NALF1: variants seen among roughly 807,000 people sequenced by gnomAD.
The protein encoded by NALF1 is NALCN channel auxiliary factor 1.
A neutral mutation model predicts 48.4 loss-of-function variants in NALF1; 3 were observed. That is an observed-to-expected ratio of 0.06 (90% confidence interval 0.03 to 0.16). The LOEUF is 0.16. NALF1 is among the 10% of genes least tolerant of loss of function. NALF1 has a pLI of 1.00. For synonymous variants in NALF1, 262 were observed against 245.7 expected (o/e 1.07, Z -0.62); for missense variants, 526 against 571.5 (o/e 0.92, Z 0.81).
intron 1 of NALF1, among the ~76,000 whole-genome samples, chr13:107,577,028 C>A (rs1200905114): frequency 6.6e-6 from 1 of 152,122 alleles, no homozygotes; most frequent in Non-Finnish European, 1.5e-5. Context: ...TATTCTCTGA[C>A]CTAAGTAACA....
intron 1 of NALF1, among the ~76,000 whole-genome samples, chr13:107,540,069 C>T (rs1275530436): frequency 2.6e-5 from 4 of 151,974 alleles, no homozygotes; most frequent in African/African-American, 9.7e-5. Context: ...CACACACACA[C>T]ATACACATAT....
In NALF1 at chr13:107,866,234, T is replaced by C. The variant is rs1880714488; in HGVS notation, c.363A>G (p.Arg121=). ...TGGGGGACGAGGAGGCGGAGAGGAG[T>C]CTGTGTGCCTGGGCGGCGGGCGAGG... The part of the protein sequence containing the change: ...GESSPAAQAH[R]LLSASSSPTL... The change falls in exon 1 of 3, where the codon AGA becomes AGG. Residue 121 remains arginine, a synonymous_variant. Coordinates refer to ENST00000375915, the MANE Select transcript of NALF1 (RefSeq NM_001080396.3). This position sits in a 1 kb window ranked among gnomAD's most constrained non-coding sequence, Gnocchi z 4.4. 7 of 1,592,940 alleles carry C rather than the reference T, an allele frequency of 4.4e-6. No individual in the cohort carries two copies. The highest frequency in any genetic ancestry group is 6.0e-6 in the Non-Finnish European group (7 of 1,171,408).
chr13:107,650,319 G>A (rs1387150229), intron 1 of NALF1, among the ~76,000 whole-genome samples: 2 of 147,906 alleles, frequency 1.4e-5, no homozygotes, highest in Non-Finnish European at 3.0e-5. Flanking sequence ...TAGTGGCTGC[G>A]ACTTCGAGTC....
chr13:107,426,774 C>T (rs1884287836), intron 1 of NALF1, among the ~76,000 whole-genome samples: 1 of 152,016 alleles, frequency 6.6e-6, no homozygotes, highest in South Asian at 2.1e-4. Flanking sequence ...TTTAATTAGA[C>T]TACTTCTAGA....
chr13:107,737,019 G>A (rs1876487349), intron 1 of NALF1, among the ~76,000 whole-genome samples: 1 of 152,142 alleles, frequency 6.6e-6, no homozygotes, highest in South Asian at 2.1e-4. Flanking sequence ...TTATAACTGG[G>A]TGTTTTATCT....
At chr13:107,272,366 C>T (rs1336388730) in intron 1 of NALF1, among the ~76,000 whole-genome samples, 1 of 61,690 alleles carries the variant, frequency 1.6e-5, no homozygotes, top group Admixed American at 2.1e-4. Context: ...AGGCGCCCGC[C>T]ACCACGCCCG....
intron 1 of NALF1, among the ~76,000 whole-genome samples, chr13:107,295,068 G>A (rs908057321): frequency 6.6e-6 from 1 of 152,076 alleles, no homozygotes; most frequent in African/African-American, 2.4e-5. Context: ...TGATGCTGAA[G>A]TTTGGGGTAT....
chr13:107,485,335 A>G (rs1350233649), intron 1 of NALF1, among the ~76,000 whole-genome samples: 2 of 152,076 alleles, frequency 1.3e-5, no homozygotes, highest in Non-Finnish European at 1.5e-5. Context: ...CAGCAACCTC[A>G]ATACTTGGAT....
intron 1 of NALF1, among the ~76,000 whole-genome samples, chr13:107,631,628 G>A (rs539005058): frequency 1.3e-5 from 2 of 152,128 alleles, no homozygotes; most frequent in African/African-American, 4.8e-5. Flanking sequence ...TGCACAGCAG[G>A]ACTCGCTCCT....
At chr13:107,441,060 C>G (rs189056835) in intron 1 of NALF1, among the ~76,000 whole-genome samples, 3 of 152,112 alleles carry the variant, frequency 2.0e-5, no homozygotes, top group African/African-American at 7.2e-5. Context: ...TGTTAGGATA[C>G]CCTTCAAGTA....
intron 1 of NALF1, among the ~76,000 whole-genome samples, chr13:107,492,451 G>A (rs537259221): frequency 1.8e-4 from 27 of 152,072 alleles, no homozygotes; most frequent in Non-Finnish European, 3.1e-4. Flanking sequence ...TCTTGTTGCC[G>A]CACATATTCT....
chr13:107,656,058 T>C (rs970205373), intron 1 of NALF1, among the ~76,000 whole-genome samples: 1 of 151,818 alleles, frequency 6.6e-6, no homozygotes, highest in Non-Finnish European at 1.5e-5. Flanking sequence ...ATAAAGATTC[T>C]AGAAGGTAAC....
intron 1 of NALF1, among the ~76,000 whole-genome samples, chr13:107,683,735 C>T (rs1468861268): frequency 6.6e-6 from 1 of 152,196 alleles, no homozygotes; most frequent in Non-Finnish European, 1.5e-5. Context: ...TCAGAGCTCT[C>T]CTGCTGGGCT....
chr13:107,478,656 GTT>G (rs56000405), intron 1 of NALF1, among the ~76,000 whole-genome samples: 32,267 of 151,916 alleles, frequency 0.21, 3,883 homozygotes, highest in East Asian at 0.32. Context: ...AGAGAGTCTG[GTT>G]TTCCATTCTG....
chr13:107,637,344 T>C lies in NALF1; in HGVS notation c.915+228338A>G, dbSNP rs1880007092. Among the ~76,000 whole-genome samples, 3 of 152,088 alleles carry C rather than the reference T, an allele frequency of 2.0e-5. No homozygotes were observed. In the South Asian group the frequency reaches 6.2e-4, roughly 32 times the overall value. ...ATGTAATTATTCTATTTGGGGAATT[T>C]TTATTATATTTCTCCTATACTTACA... On this transcript the variant is annotated intron_variant, in intron 1 of 2. Transcript: ENST00000375915.
At chr13:107,721,923 G>A (rs968580169) in intron 1 of NALF1, among the ~76,000 whole-genome samples, 4 of 152,122 alleles carry the variant, frequency 2.6e-5, no homozygotes, top group Non-Finnish European at 4.4e-5. Flanking sequence ...GGCTTTTGGC[G>A]TGCTCTGTTT....
intron 1 of NALF1, among the ~76,000 whole-genome samples, chr13:107,585,146 C>A (rs1481087574): frequency 1.3e-5 from 2 of 152,172 alleles, no homozygotes; most frequent in African/African-American, 2.4e-5. Context: ...TTTAATCCAA[C>A]CCGGTCATTT....
At chr13:107,222,147 A>T (rs1880007712) in intron 1 of NALF1, among the ~76,000 whole-genome samples, 1 of 152,176 alleles carries the variant, frequency 6.6e-6, no homozygotes, top group African/African-American at 2.4e-5. Flanking sequence ...AAGGAGCCAG[A>T]ATTATATCTG....
intron 1 of NALF1, among the ~76,000 whole-genome samples, chr13:107,354,882 T>C (rs1882935707): frequency 6.6e-6 from 1 of 152,106 alleles, no homozygotes. Flanking sequence ...GCAACTGTGC[T>C]AGAGAAAGAA....
Sources: gnomAD v4.1 joint callset for allele counts (sites outside exome capture counted in the v4.1 genomes callset) on GRCh38, gnomAD v4.1.1 for gene constraint, Gnocchi (gnomAD v3.1) non-coding constraint, MANE v1.5 for transcripts, NCBI Gene and HGNC (gene_info 2026-07-23, HGNC 2026-07-21) for gene names.